Variants in ZNF138 observed in about 807,000 individuals in gnomAD.
The protein encoded by ZNF138 is zinc finger protein 138.
A neutral mutation model predicts 33.0 loss-of-function variants in ZNF138; 33 were observed. The observed-to-expected ratio is 1.00, with a 90% CI of 0.76 to 1.34. The LOEUF is 1.34. ZNF138 is among the 40% of genes most tolerant of loss of function. ZNF138 has a pLI of 0.00. For synonymous variants in ZNF138, 139 were observed against 120.4 expected (o/e 1.15, Z -1.01); for missense variants, 360 against 370.8 (o/e 0.97, Z 0.24).
At chr7:64,802,968 T>G (rs1197509779) in intron 1 of ZNF138, among the ~76,000 whole-genome samples, 1 of 152,026 alleles carries the variant, frequency 6.6e-6, no homozygotes, top group Non-Finnish European at 1.5e-5. Context: ...TGAGTGACTA[T>G]TTTTCCCTAC....
the ZNF138 span, among the ~76,000 whole-genome samples, chr7:64,849,886 G>A: frequency 6.6e-6 from 1 of 152,140 alleles, no homozygotes; most frequent in Admixed American, 6.5e-5. Flanking sequence ...CCTCCCAGCT[G>A]CAAAAGCAAG....
chr7:64,840,100 T>C, the ZNF138 span, among the ~76,000 whole-genome samples: 6,980 of 152,172 alleles, frequency 0.046, 505 homozygotes, highest in African/African-American at 0.15. Context: ...CTGGAAATGC[T>C]GAGTCGGGGT....
At chr7:64,850,869 G>A in the ZNF138 span, among the ~76,000 whole-genome samples, 4 of 152,258 alleles carry the variant, frequency 2.6e-5, no homozygotes, top group East Asian at 7.7e-4. Flanking sequence ...AAACAAGGTG[G>A]CCACATCAGT....
chr7:64,823,132 G>A (rs930750782), intron 3 of ZNF138, among the ~76,000 whole-genome samples: 3 of 152,028 alleles, frequency 2.0e-5, no homozygotes, highest in Admixed American at 2.0e-4. Flanking sequence ...CGCCCACCTC[G>A]GCCTCCCAAA....
chr7:64,852,327 A>T, the ZNF138 span: 1 of 1,055,616 alleles, frequency 9.5e-7, no homozygotes. Flanking sequence ...TATAGTCTTT[A>T]ATTGAAGCGA....
downstream of ZNF138, chr7:64,837,019 AT>A (rs1790387960): frequency 1.3e-5 from 2 of 152,200 alleles, no homozygotes; most frequent in African/African-American, 4.8e-5. Flanking sequence ...AGGACAACAG[AT>A]TTTCAGGCCA....
chr7:64,850,209 G>T, the ZNF138 span, among the ~76,000 whole-genome samples: 1 of 152,200 alleles, frequency 6.6e-6, no homozygotes, highest in Non-Finnish European at 1.5e-5. Context: ...CCATGTTCTA[G>T]ACTTTCAGGT....
In ZNF138 at chr7:64,809,634, G is replaced by A. The variant is rs540188559; in HGVS notation, c.4-5284G>A. Among the ~76,000 whole-genome samples the A allele has an allele frequency of 2.9e-3, 440 of 149,638 alleles. 2 individuals are homozygous for A. Among genetic ancestry groups the A allele is most frequent in the Non-Finnish European group, 4.8e-3 (320 of 67,200 alleles). On this transcript the variant is annotated intron_variant, in intron 1 of 3. Transcript: ENST00000307355. ...CTCCCTCCCAGACGGGGTGGCTGCCGGGCGGAGACGCTCCTCACTTCCCAG... is the reference window on the plus strand; with the variant it reads ...CTCCCTCCCAGACGGGGTGGCTGCCAGGCGGAGACGCTCCTCACTTCCCAG...
intron 1 of ZNF138, among the ~76,000 whole-genome samples, chr7:64,801,470 TC>T (rs1787136217): frequency 6.6e-6 from 1 of 152,172 alleles, no homozygotes; most frequent in African/African-American, 2.4e-5. Flanking sequence ...TTGTATGGTT[TC>T]AAGTGGTTTT....
chr7:64,810,836 A>C (rs1416489649), intron 1 of ZNF138, among the ~76,000 whole-genome samples: 1 of 152,202 alleles, frequency 6.6e-6, no homozygotes, highest in African/African-American at 2.4e-5. Context: ...CTGGGTGGTG[A>C]ATCCTGCAGC....
chr7:64,796,313 C>T (rs527928417), intron 1 of ZNF138, among the ~76,000 whole-genome samples: 3 of 152,214 alleles, frequency 2.0e-5, no homozygotes, highest in South Asian at 2.1e-4. Context: ...AGAGGGTGGT[C>T]GTTTAGCACT....
At chr7:64,825,437 C>G (rs760900858) in intron 3 of ZNF138, among the ~76,000 whole-genome samples, 9 of 150,608 alleles carry the variant, frequency 6.0e-5, no homozygotes, top group Non-Finnish European at 1.2e-4. Context: ...TCCCAAAGTG[C>G]TGGGATTACA....
At chr7:64,807,972 A>G (rs1340811365) in intron 1 of ZNF138, among the ~76,000 whole-genome samples, 1 of 152,226 alleles carries the variant, frequency 6.6e-6, no homozygotes, top group Non-Finnish European at 1.5e-5. Flanking sequence ...AGAGCTAGCC[A>G]ATCAAGACAG....
At chr7:64,823,598 G>A (rs1391741108) in intron 3 of ZNF138, among the ~76,000 whole-genome samples, 1 of 152,164 alleles carries the variant, frequency 6.6e-6, no homozygotes, top group Non-Finnish European at 1.5e-5. Flanking sequence ...GTCCCCCAAA[G>A]TGTTGCGATT....
intron 1 of ZNF138, among the ~76,000 whole-genome samples, chr7:64,799,915 T>C (rs1787007191): frequency 1.3e-5 from 2 of 152,346 alleles, no homozygotes; most frequent in East Asian, 3.9e-4. Flanking sequence ...CCCAAAGTGC[T>C]GGGATTTCAG....
chr7:64,802,170 C>T (rs1294288744), intron 1 of ZNF138, among the ~76,000 whole-genome samples: 1 of 152,056 alleles, frequency 6.6e-6, no homozygotes, highest in Non-Finnish European at 1.5e-5. Flanking sequence ...GGGCTATAGG[C>T]AAATTTACAC....
At position 64,831,941 on chromosome 7, in the gene ZNF138, C is replaced by T; in HGVS notation, c.699C>T (p.His233=). 1 of 1,613,356 alleles carries T rather than the reference C, an allele frequency of 6.2e-7. No homozygotes were observed. Among genetic ancestry groups the T allele is most frequent in the Middle Eastern group, 1.7e-4 (1 of 6,040 alleles). ...GTGAAGTATGTGGAAAAGCCTTTCA[C>T]CAATCCTCAATCCTTACTAAACATA... ...YKCEVCGKAF[H]QSSILTKHKI... The change falls in exon 4 of 4, where the codon CAC becomes CAT. Residue 233 remains histidine, a synonymous_variant. Coordinates refer to ENST00000307355, the MANE Select transcript of ZNF138 (RefSeq NM_001271639.2).
intron 1 of ZNF138, among the ~76,000 whole-genome samples, chr7:64,811,614 C>T (rs937112909): frequency 3.3e-5 from 5 of 152,090 alleles, no homozygotes; most frequent in Admixed American, 2.0e-4. Context: ...CCAAAGTGCC[C>T]GGCCTGTTTT....
chr7:64,810,285 G>A (rs1033234309), intron 1 of ZNF138, among the ~76,000 whole-genome samples: 4 of 150,604 alleles, frequency 2.7e-5, no homozygotes, highest in East Asian at 2.0e-4. Context: ...GCGAAACCCC[G>A]TCTCCACCAA....
Sources: gnomAD v4.1 joint callset for allele counts (sites outside exome capture counted in the v4.1 genomes callset) on GRCh38, gnomAD v4.1.1 for gene constraint, MANE v1.5 for transcripts, NCBI Gene and HGNC (gene_info 2026-07-23, HGNC 2026-07-21) for gene names.